Variants in COL25A1 observed in about 807,000 individuals in gnomAD.
The protein encoded by COL25A1 is collagen type XXV alpha 1 chain.
A neutral mutation model predicts 128.4 loss-of-function variants in COL25A1; 103 were observed. The ratio of observed to expected loss-of-function variants is 0.80; its 90% confidence interval spans 0.68 to 0.94. The LOEUF is 0.94. COL25A1 is among the 40% of genes least tolerant of loss of function. The pLI is 0.00. For missense variants in COL25A1, 745 were observed against 840.0 expected, an observed-to-expected ratio of 0.89 and a Z score of 1.40; for synonymous variants, 279 against 277.2, an observed-to-expected ratio of 1.01 and a Z score of -0.06.
At chr4:109,245,095 G>C (rs1040456387) in intron 3 of COL25A1, among the ~76,000 whole-genome samples, 2 of 152,138 alleles carry the variant, frequency 1.3e-5, no homozygotes, top group African/African-American at 4.8e-5. Flanking sequence ...AAGGGTTTAA[G>C]TGACCATATT....
At chr4:108,817,059 A>C (rs1238861267) in intron 37 of COL25A1, among the ~76,000 whole-genome samples, 1 of 152,184 alleles carries the variant, frequency 6.6e-6, no homozygotes, top group African/African-American at 2.4e-5. Flanking sequence ...AGTGTAAGTA[A>C]GGATAAATAG....
intron 3 of COL25A1, among the ~76,000 whole-genome samples, chr4:109,238,558 A>G (rs921014000): frequency 6.6e-6 from 1 of 152,016 alleles, no homozygotes; most frequent in Non-Finnish European, 1.5e-5. Context: ...AGGTATCACT[A>G]TCATGCATTT....
intron 32 of COL25A1, among the ~76,000 whole-genome samples, chr4:108,827,633 C>T (rs1043204471): frequency 4.6e-5 from 7 of 152,086 alleles, no homozygotes; most frequent in African/African-American, 1.4e-4. Flanking sequence ...CCTAAGTGAT[C>T]CTCCCACCTC....
chr4:108,841,288 G>A (rs1220823058), intron 31 of COL25A1, among the ~76,000 whole-genome samples: 2 of 152,210 alleles, frequency 1.3e-5, no homozygotes, highest in East Asian at 3.9e-4. Flanking sequence ...GAGAGGCAAA[G>A]CATTTAGATG....
intron 3 of COL25A1, among the ~76,000 whole-genome samples, chr4:109,247,140 G>A (rs553392421): frequency 1.3e-5 from 2 of 152,286 alleles, no homozygotes; most frequent in Admixed American, 1.3e-4. Context: ...GAGGCGGGTG[G>A]ATCACCTGAG....
intron 3 of COL25A1, among the ~76,000 whole-genome samples, chr4:109,175,564 T>C (rs1774014705): frequency 6.6e-6 from 1 of 152,230 alleles, no homozygotes; most frequent in South Asian, 2.1e-4. Context: ...CATGATTAAA[T>C]GTTTCTCTAC....
intron 6 of COL25A1, among the ~76,000 whole-genome samples, chr4:109,008,853 T>G (rs537932078): frequency 2.2e-4 from 34 of 152,288 alleles, no homozygotes; most frequent in African/African-American, 7.9e-4. Context: ...CGGTGGCTTA[T>G]GCCTGTAATC....
chr4:108,984,823 G>T (rs894955231), intron 6 of COL25A1, among the ~76,000 whole-genome samples: 1 of 152,258 alleles, frequency 6.6e-6, no homozygotes, highest in Non-Finnish European at 1.5e-5. Context: ...GGGCTGAAGG[G>T]CTCCTCAAGT....
At chr4:108,814,183 C>G (rs1731038128) in intron 37 of COL25A1, among the ~76,000 whole-genome samples, 2 of 152,148 alleles carry the variant, frequency 1.3e-5, no homozygotes, top group African/African-American at 4.8e-5. Context: ...ATTATCTTTC[C>G]TTTGCCACTG....
rs1560850439 is a variant in COL25A1 at position 109,197,441 on chromosome 4, T to TAA, written c.367+103141_367+103142insTT. Among the ~76,000 whole-genome samples the TAA allele has an allele frequency of 1.1e-3, 136 of 123,438 alleles. 1 individual carries two copies. The highest frequency in any genetic ancestry group is 4.0e-3 in the African/African-American group (130 of 32,750). The allele number at this position is 123,438 out of a possible 152,430, so 81.0% of individuals were successfully genotyped here. On this transcript the variant is annotated intron_variant, in intron 3 of 37. Transcript: ENST00000399132. ...ATATATTATATATAAATATTATATA[T>TAA]TATATATATTATATATAAATATTAT... is the stretch of plus-strand genomic sequence containing the variant.
At chr4:109,259,971 G>A (rs912446170) in intron 3 of COL25A1, among the ~76,000 whole-genome samples, 4 of 152,176 alleles carry the variant, frequency 2.6e-5, no homozygotes, top group African/African-American at 9.7e-5. Context: ...TTTAGTTTAC[G>A]ACAAACAGGC....
intron 13 of COL25A1, among the ~76,000 whole-genome samples, chr4:108,905,857 G>GC (rs1403857951): frequency 6.9e-4 from 103 of 148,566 alleles, no homozygotes; most frequent in Non-Finnish European, 6.4e-4. Flanking sequence ...TGTCGGGGGG[G>GC]GGTGCGGGGG....
At chr4:109,188,308 T>C (rs1472394079) in intron 3 of COL25A1, among the ~76,000 whole-genome samples, 1 of 152,174 alleles carries the variant, frequency 6.6e-6, no homozygotes, top group East Asian at 1.9e-4. Context: ...AGGAAACAAC[T>C]GGACAACAAG....
At chr4:108,941,473 G>A in intron 8 of COL25A1, 36 bp from the exon 9 acceptor site, 1 of 1,484,964 alleles carries the variant, frequency 6.7e-7, no homozygotes, top group Non-Finnish European at 9.4e-7. Flanking sequence ...TTGAAGTTCA[G>A]AGATGAGAGA....
intron 3 of COL25A1, among the ~76,000 whole-genome samples, chr4:109,270,157 C>A (rs1204133023): frequency 6.6e-6 from 1 of 152,012 alleles, no homozygotes; most frequent in Non-Finnish European, 1.5e-5. Flanking sequence ...TAAAAACTGG[C>A]ACAAGACAGG....
intron 3 of COL25A1, among the ~76,000 whole-genome samples, chr4:109,153,561 C>A (rs561045661): frequency 1.4e-4 from 22 of 152,284 alleles, no homozygotes; most frequent in Non-Finnish European, 2.9e-4. Context: ...ACATATTTTA[C>A]CACTCATCTT....
chr4:108,850,547 A>G (rs1345512897), intron 26 of COL25A1, among the ~76,000 whole-genome samples: 1 of 152,104 alleles, frequency 6.6e-6, no homozygotes. Flanking sequence ...ACCCTCCTCC[A>G]TATTGCTTGT....
At chr4:109,224,147 G>A (rs898600202) in intron 3 of COL25A1, among the ~76,000 whole-genome samples, 1 of 152,076 alleles carries the variant, frequency 6.6e-6, no homozygotes, top group Non-Finnish European at 1.5e-5. Context: ...TCCAAGCCAG[G>A]ACTTGTGATA....
intron 3 of COL25A1, among the ~76,000 whole-genome samples, chr4:109,171,225 C>T (rs1285866574): frequency 1.3e-5 from 2 of 152,144 alleles, no homozygotes; most frequent in Admixed American, 6.6e-5. Context: ...ACTCTTATCC[C>T]AAAGTTCTCA....
Sources: allele counts gnomAD v4.1 joint callset (sites outside exome capture counted in the v4.1 genomes callset), GRCh38; gene constraint gnomAD v4.1.1; transcripts MANE v1.5; gene names NCBI Gene and HGNC (gene_info 2026-07-23, HGNC 2026-07-21).